TRAPPC9: variants seen among roughly 807,000 people sequenced by gnomAD.
TRAPPC9 encodes trafficking protein particle complex subunit 9.
A neutral mutation model predicts 124.0 loss-of-function variants in TRAPPC9; 83 were observed. The observed-to-expected ratio is 0.67, with a 90% CI of 0.56 to 0.80. The LOEUF (loss-of-function observed/expected upper bound fraction) is 0.80, where lower values mean the gene tolerates loss of function less well. Ranked by LOEUF, TRAPPC9 falls within the 30% of genes least tolerant of loss-of-function variation. The pLI, the probability that TRAPPC9 is intolerant of heterozygous loss-of-function variation, is 0.00. For synonymous variants in TRAPPC9, 638 were observed against 617.5 expected (o/e 1.03, Z -0.49); for missense variants, 1,302 against 1,508.3 (o/e 0.86, Z 2.27).
intron 21 of TRAPPC9, among the ~76,000 whole-genome samples, chr8:139,778,565 T>G (rs1821557857): frequency 6.6e-6 from 1 of 152,190 alleles, no homozygotes; most frequent in African/African-American, 2.4e-5. Flanking sequence ...GTTCAAAAAT[T>G]TAATGACATA....
At chr8:140,193,622 GA>G (rs72383095) in intron 17 of TRAPPC9, among the ~76,000 whole-genome samples, 14,365 of 77,444 alleles carry the variant, frequency 0.19, 722 homozygotes, top group East Asian at 0.36. Context: ...TGTACTTTCA[GA>G]AAAAAAAAAA....
chr8:139,765,348 G>A lies in TRAPPC9; in HGVS notation c.3056-33146C>T, dbSNP rs539724780. On this transcript the variant is annotated intron_variant, in intron 21 of 22. Coordinates refer to ENST00000438773, the MANE Select transcript of TRAPPC9 (RefSeq NM_001160372.4). ...CTCCCCCAGCTACAGGGTCACTGACGCCCTCGAGGGACAGCACTATTGTGT... is the reference window on the plus strand; with the variant it reads ...CTCCCCCAGCTACAGGGTCACTGACACCCTCGAGGGACAGCACTATTGTGT... 2.0e-5 allele frequency among the ~76,000 whole-genome samples: 3 copies of A among 152,338 alleles called. No homozygotes were observed. The South Asian group carries it at 6.2e-4, about 32-fold the overall frequency.
intron 17 of TRAPPC9, among the ~76,000 whole-genome samples, chr8:140,028,661 A>G (rs1377312686): frequency 6.6e-6 from 1 of 152,252 alleles, no homozygotes; most frequent in African/African-American, 2.4e-5. Flanking sequence ...ACTATGTCCC[A>G]GGGACTGTGG....
chr8:139,775,896 C>T (rs1821330246), intron 21 of TRAPPC9, among the ~76,000 whole-genome samples: 1 of 152,198 alleles, frequency 6.6e-6, no homozygotes, highest in African/African-American at 2.4e-5. Flanking sequence ...CGTCCATTTC[C>T]ACAGATGAGA....
chr8:140,356,990 T>C (rs1021458346), intron 9 of TRAPPC9, among the ~76,000 whole-genome samples: 2 of 152,218 alleles, frequency 1.3e-5, no homozygotes, highest in Non-Finnish European at 2.9e-5. Context: ...AGGCAAGGGC[T>C]GTGACAACAT....
rs182449370 is a variant in TRAPPC9 at position 139,739,253 on chromosome 8, C to T, written c.3056-7051G>A. Among the ~76,000 whole-genome samples, 78 of 152,286 alleles carry T rather than the reference C, an allele frequency of 5.1e-4. 1 individual carries two copies. Among genetic ancestry groups the T allele is most frequent in the Non-Finnish European group, 9.7e-4 (66 of 68,022 alleles). ...GGACACCCAGCCCCAGCCTGGGAAA[C>T]GTCCGGTGCCCATGCAGTTGGGCCT... is the stretch of plus-strand genomic sequence containing the variant. On this transcript the variant is annotated intron_variant, in intron 21 of 22. Transcript: ENST00000438773.
intron 21 of TRAPPC9, among the ~76,000 whole-genome samples, chr8:139,780,774 G>T (rs1045355536): frequency 6.6e-6 from 1 of 151,284 alleles, no homozygotes; most frequent in African/African-American, 2.4e-5. Flanking sequence ...GATTTATTTG[G>T]CAAAAGACTG....
intron 17 of TRAPPC9, among the ~76,000 whole-genome samples, chr8:140,152,153 G>A (rs567803671): frequency 1.3e-5 from 2 of 149,882 alleles, no homozygotes; most frequent in East Asian, 2.0e-4. Context: ...AAAAAGCCTC[G>A]GACAGCATAG....
chr8:140,049,492 G>C (rs552199027), intron 17 of TRAPPC9, among the ~76,000 whole-genome samples: 2 of 152,068 alleles, frequency 1.3e-5, no homozygotes, highest in East Asian at 3.9e-4. Flanking sequence ...GCCGGCCCTC[G>C]GTGATGTGTT....
rs1228606545 is a variant in TRAPPC9, at chr8:139,818,265, A to C, written c.3055+67614T>G. Reference sequence around the variant, plus strand: ...TCCCTCAGGGGTGGAGAGTCTGATTAGGAGCTGTGAGGATAAGAGAAAAAG... The same window carrying C: ...TCCCTCAGGGGTGGAGAGTCTGATTCGGAGCTGTGAGGATAAGAGAAAAAG... On this transcript the variant is annotated intron_variant, in intron 21 of 22. Coordinates refer to ENST00000438773, the MANE Select transcript of TRAPPC9 (RefSeq NM_001160372.4). Among the ~76,000 whole-genome samples, 8 of 152,280 alleles carry C rather than the reference A, an allele frequency of 5.3e-5. No homozygotes were observed. In the East Asian group the frequency reaches 1.4e-3, roughly 26 times the overall value.
At chr8:140,146,479 G>C (rs181178793) in intron 17 of TRAPPC9, among the ~76,000 whole-genome samples, 1 of 152,262 alleles carries the variant, frequency 6.6e-6, no homozygotes, top group East Asian at 1.9e-4. Context: ...TGTGGGGAGG[G>C]TGGTATATGC....
chr8:139,774,366 TCAGG>T (rs965448279), intron 21 of TRAPPC9, among the ~76,000 whole-genome samples: 5 of 152,136 alleles, frequency 3.3e-5, no homozygotes, highest in African/African-American at 9.7e-5. Context: ...CTGGCCAGCC[TCAGG>T]AAGGGCTGGG....
chr8:140,281,318 G>A (rs1323757428), intron 14 of TRAPPC9, among the ~76,000 whole-genome samples: 1 of 152,214 alleles, frequency 6.6e-6, no homozygotes, highest in East Asian at 1.9e-4. Flanking sequence ...CCCTGTGAGC[G>A]GGTGTGAACT....
chr8:140,174,333 A>C (rs2130965447), intron 17 of TRAPPC9, among the ~76,000 whole-genome samples: 1 of 152,256 alleles, frequency 6.6e-6, no homozygotes, highest in East Asian at 1.9e-4. Flanking sequence ...ACACATGTTT[A>C]CCTGTGTAAC....
At chr8:140,277,626 C>A (rs2065166481) in intron 14 of TRAPPC9, among the ~76,000 whole-genome samples, 2 of 152,250 alleles carry the variant, frequency 1.3e-5, no homozygotes, top group African/African-American at 4.8e-5. Flanking sequence ...TGCAGCATCC[C>A]AGTTGTCATG....
chr8:140,096,529 A>G (rs965128542), intron 17 of TRAPPC9: 1 of 152,202 alleles, frequency 6.6e-6, no homozygotes, highest in Non-Finnish European at 1.5e-5. Context: ...GCTGCTTCCA[A>G]ATACATTTTA....
chr8:140,268,448 G>A (rs1412308549), intron 15 of TRAPPC9, among the ~76,000 whole-genome samples: 1 of 152,236 alleles, frequency 6.6e-6, no homozygotes, highest in East Asian at 1.9e-4. Context: ...ACATGTAAAT[G>A]TACCGCAGCT....
intron 6 of TRAPPC9, among the ~76,000 whole-genome samples, chr8:140,404,927 T>C: frequency 6.6e-6 from 1 of 151,948 alleles, no homozygotes; most frequent in East Asian, 1.9e-4. Flanking sequence ...TGTGTGTGTG[T>C]GTGTGTGTGT....
Position 139,777,512 on chromosome 8 carries a change from A to C in TRAPPC9, c.3056-45310T>G, listed in dbSNP as rs1385700273. On this transcript the variant is annotated intron_variant, in intron 21 of 22. Transcript: ENST00000438773. ...GTAGAGGCGAGGTCAACATTTCCTG[A>C]ATGAGCAAATGAATGAAGGAAAGAT... is the stretch of plus-strand genomic sequence containing the variant. 4.6e-5 allele frequency among the ~76,000 whole-genome samples: 7 copies of C among 152,336 alleles called. No homozygotes were observed. In the East Asian group the frequency reaches 9.6e-4, roughly 21 times the overall value.
Sources: gnomAD v4.1 joint callset for allele counts (sites outside exome capture counted in the v4.1 genomes callset) on GRCh38, gnomAD v4.1.1 for gene constraint, MANE v1.5 for transcripts, NCBI Gene and HGNC (gene_info 2026-07-23, HGNC 2026-07-21) for gene names.